Variants in DHTKD1 observed in about 807,000 individuals in gnomAD.
The protein encoded by DHTKD1 is dehydrogenase E1 and transketolase domain containing 1.
DHTKD1 carries 78 observed loss-of-function variants against 101.8 expected under a neutral mutation model. The observed-to-expected ratio is 0.77, with a 90% CI of 0.64 to 0.93. The LOEUF (loss-of-function observed/expected upper bound fraction) is 0.93, where lower values mean the gene tolerates loss of function less well. Ranked by LOEUF, DHTKD1 falls within the 40% of genes least tolerant of loss-of-function variation. DHTKD1 has a pLI of 0.00. For missense variants in DHTKD1, 1,223 were observed against 1,161.7 expected, an observed-to-expected ratio of 1.05 and a Z score of -0.77; for synonymous variants, 462 against 450.3, an observed-to-expected ratio of 1.03 and a Z score of -0.33.
intron 3 of DHTKD1, among the ~76,000 whole-genome samples, chr10:12,086,159 C>T (rs1310987902): frequency 6.6e-6 from 1 of 151,050 alleles, no homozygotes; most frequent in Admixed American, 6.6e-5. Context: ...TGAGCCACCA[C>T]ACCTGGCCTT....
At chr10:12,080,299 CAAAA>C (rs11359134) in intron 1 of DHTKD1, among the ~76,000 whole-genome samples, 2 of 87,682 alleles carry the variant, frequency 2.3e-5, no homozygotes, top group Non-Finnish European at 2.2e-5. Flanking sequence ...GACTCCGTCT[CAAAA>C]AAAAAAAAAA....
chr10:12,111,596 G>A (rs1008246708), intron 12 of DHTKD1, among the ~76,000 whole-genome samples: 2 of 152,218 alleles, frequency 1.3e-5, no homozygotes, highest in Admixed American at 6.6e-5. Context: ...GTAAAATGGG[G>A]TGGGCTCTAG....
intron 5 of DHTKD1, among the ~76,000 whole-genome samples, chr10:12,089,469 C>G (rs555445397): frequency 6.6e-6 from 1 of 152,130 alleles, no homozygotes; most frequent in South Asian, 2.1e-4. Context: ...CTTCTGTTTT[C>G]CTTGCATGGC....
At chr10:12,090,358 G>T (rs1832967847) in intron 5 of DHTKD1, among the ~76,000 whole-genome samples, 1 of 120,138 alleles carries the variant, frequency 8.3e-6, no homozygotes, top group Non-Finnish European at 2.0e-5. Context: ...GATATGGCCG[G>T]CCCTCCCTCC....
Position 12,097,544 on chromosome 10 carries a change from G to T in DHTKD1, c.1359-140G>T, listed in dbSNP as rs928234538. The stretch of plus-strand genomic sequence containing the variant: ...CCACTTTGGCCTCCCAAAATGCTAA[G>T]ATTGTAGGTGTGAGCCACTGCACCT... On this transcript the variant is annotated intron_variant, in intron 7 of 16. Coordinates refer to ENST00000263035, the MANE Select transcript of DHTKD1 (RefSeq NM_018706.7). 5 of 737,240 alleles carry T rather than the reference G, an allele frequency of 6.8e-6. No individual in the cohort carries two copies. The South Asian group carries it at 9.6e-5, about 14-fold the overall frequency. The allele number at this position is 737,240 out of a possible 1,614,324, so 45.7% of individuals were successfully genotyped here.
At chr10:12,120,750 A>C (rs764010926) in intron 16 of DHTKD1, 37 bp from the exon 17 acceptor site, 1 of 1,578,592 alleles carries the variant, frequency 6.3e-7, no homozygotes, top group South Asian at 1.1e-5. Flanking sequence ...TGATCTAGTC[A>C]AAATGTCATT....
Position 12,081,763 on chromosome 10 carries a change from AG to A in DHTKD1, c.310+137del, listed in dbSNP as rs1186048955. The A allele has an allele frequency of 5.5e-6, 5 of 906,958 alleles. No homozygotes were observed. The Admixed American group carries it at 1.1e-4, about 19-fold the overall frequency. The allele number at this position is 906,958 out of a possible 1,614,324, so 56.2% of individuals were successfully genotyped here. ...TGAGGAGACCCGAGGGGCATGTTGA[AG>A]TACGGTCCGGGAGGAGCATTCTTGG... On this transcript the variant is annotated intron_variant, in intron 2 of 16. Coordinates refer to ENST00000263035, the MANE Select transcript of DHTKD1 (RefSeq NM_018706.7).
rs754685195 is a variant in DHTKD1 at position 12,120,859 on chromosome 10, G to A, written c.2731G>A (p.Glu911Lys). The A allele has an allele frequency of 6.2e-7, 1 of 1,614,004 alleles. No individual in the cohort carries two copies. Among genetic ancestry groups the A allele is most frequent in the Non-Finnish European group, 8.5e-7 (1 of 1,179,916 alleles). ...GIGTVHLHQH[E>K]DILAKTFA Reference sequence around the variant, plus strand: ...TGGCACAGTTCACTTGCACCAGCATGAAGATATCCTCGCCAAGACCTTCGC... The same window carrying A: ...TGGCACAGTTCACTTGCACCAGCATAAAGATATCCTCGCCAAGACCTTCGC... Residue 911 changes from glutamate (E) to lysine (K), a missense_variant, in exon 17 of 17, where the codon GAA becomes AAA. Physicochemically the swap from Glu to Lys is moderately conservative, Grantham distance 56. Transcript: ENST00000263035.
Position 12,122,404 on chromosome 10 carries a change from G to A in DHTKD1, c.*1516G>A, listed in dbSNP as rs1466076574. 6.6e-6 allele frequency: 1 copy of A among 152,194 alleles called. No homozygotes were observed. Among genetic ancestry groups the A allele is most frequent in the Non-Finnish European group, 1.5e-5 (1 of 68,064 alleles). 9.4% of individuals were successfully genotyped at this position (152,194 alleles called of 1,614,324 possible). A position where few individuals can be genotyped will look rare whatever the true frequency, so the allele number is the denominator to read the frequency against. On this transcript the variant is annotated 3_prime_UTR_variant, in exon 17 of 17. Transcript: ENST00000263035. ...GGCTGAGATGGGTGGATCACCTGAG[G>A]TTGGGAGTTCGAGACCAGCCTGACA...
Position 12,093,992 on chromosome 10 carries a change from G to A in DHTKD1, c.1160-81G>A, listed in dbSNP as rs2131362455. The A allele has an allele frequency of 1.2e-5, 15 of 1,236,864 alleles. No homozygotes were observed. In the South Asian group the frequency reaches 2.0e-4, roughly 16 times the overall value. The allele number at this position is 1,236,864 out of a possible 1,614,324, so 76.6% of individuals were successfully genotyped here. ...ACCTGTGAGGATTGGGCTGTCTTTT[G>A]ATGCAGGAAGTAGGGCTTAGAGAGG... On this transcript the variant is annotated intron_variant, in intron 6 of 16. Coordinates refer to ENST00000263035, the MANE Select transcript of DHTKD1 (RefSeq NM_018706.7).
chr10:12,091,520 G>T lies in DHTKD1; in HGVS notation c.995G>T (p.Gly332Val). The T allele has an allele frequency of 1.3e-6, 2 of 1,597,814 alleles. No individual in the cohort carries two copies. The highest frequency in any genetic ancestry group is 2.2e-5 in the South Asian group (2 of 89,306). Residue 332 changes from glycine to valine, a missense_variant, in exon 6 of 17, where the codon GGT becomes GTT. Gly to Val is a moderately radical substitution (Grantham distance 109, BLOSUM62 -3). Transcript: ENST00000263035. Reference sequence around the variant, plus strand: ...CCTTGCCTCATGATTTAGGTCCATGGTGATGCTTCTTTCTGTGGTCAAGGG... The same window carrying T: ...CCTTGCCTCATGATTTAGGTCCATGTTGATGCTTCTTTCTGTGGTCAAGGG... ...GDRVICLQVH[G>V]DASFCGQGIV...
intron 10 of DHTKD1, among the ~76,000 whole-genome samples, chr10:12,101,430 G>T (rs541772972): frequency 6.6e-6 from 1 of 152,256 alleles, no homozygotes; most frequent in South Asian, 2.1e-4. Flanking sequence ...TGTGTGTTTT[G>T]TCAACTCAAA....
intron 11 of DHTKD1, 127 bp downstream of exon 11, chr10:12,106,523 A>G: frequency 8.4e-7 from 1 of 1,185,072 alleles, no homozygotes; most frequent in South Asian, 1.3e-5. Flanking sequence ...GCCTCCAGGG[A>G]GTTGGGGTCA....
At chr10:12,085,264 C>T (rs993263254) in intron 3 of DHTKD1, among the ~76,000 whole-genome samples, 2 of 151,588 alleles carry the variant, frequency 1.3e-5, no homozygotes, top group African/African-American at 2.4e-5. Flanking sequence ...GAGCTGAGAT[C>T]GCGCCACTGC....
At chr10:12,086,059 G>A (rs1029494187) in intron 3 of DHTKD1, among the ~76,000 whole-genome samples, 1 of 151,488 alleles carries the variant, frequency 6.6e-6, no homozygotes, top group Non-Finnish European at 1.5e-5. Flanking sequence ...TAGTAGAGAC[G>A]GGGTTTCATC....
intron 6 of DHTKD1, among the ~76,000 whole-genome samples, chr10:12,092,611 C>T (rs1833009515): frequency 6.6e-6 from 1 of 151,820 alleles, no homozygotes; most frequent in Admixed American, 6.6e-5. Flanking sequence ...CGAGACCAGC[C>T]TGACCAACAT....
chr10:12,094,369 A>G, intron 7 of DHTKD1, 98 bp downstream of exon 7: 2 of 1,084,464 alleles, frequency 1.8e-6, no homozygotes, highest in Admixed American at 2.0e-5. Flanking sequence ...CCAGTCTGGA[A>G]TGCAGTAGCA....
intron 1 of DHTKD1, among the ~76,000 whole-genome samples, chr10:12,072,612 G>GTATTTGTA (rs1385583492): frequency 6.6e-6 from 1 of 152,140 alleles, no homozygotes; most frequent in African/African-American, 2.4e-5. Context: ...TTGTAACTAG[G>GTATTTGTA]TATTTGTAAC....
intron 6 of DHTKD1, among the ~76,000 whole-genome samples, chr10:12,093,045 ATT>A (rs34443347): frequency 3.6e-5 from 5 of 138,606 alleles, no homozygotes; most frequent in Admixed American, 7.4e-5. Context: ...TGCACAGCTA[ATT>A]TTTTTTTTTT....
Sources: allele counts gnomAD v4.1 joint callset (sites outside exome capture counted in the v4.1 genomes callset), GRCh38; gene constraint gnomAD v4.1.1; transcripts MANE v1.5; gene names NCBI Gene and HGNC (gene_info 2026-07-23, HGNC 2026-07-21).